SERPINI2: variants seen among roughly 807,000 people sequenced by gnomAD.
SERPINI2 encodes the protein serpin I2.
A neutral mutation model predicts 47.3 loss-of-function variants in SERPINI2; 48 were observed. The observed-to-expected ratio is 1.02, with a 90% confidence interval of 0.81 to 1.29. The LOEUF (loss-of-function observed/expected upper bound fraction) is 1.29. Among genes scored for constraint, SERPINI2 ranks in the 50% most tolerant of loss-of-function variants. The pLI is 0.00. For synonymous variants in SERPINI2, 135 were observed against 149.3 expected, an observed-to-expected ratio of 0.90 and a Z score of 0.70; for missense variants, 448 against 456.9, an observed-to-expected ratio of 0.98 and a Z score of 0.18.
rs144102530 is a variant in SERPINI2, at chr3:167,447,407, T to C, written c.1052-926A>G. On this transcript the variant is annotated intron_variant, in intron 7 of 8. Coordinates refer to ENST00000264677, the Ensembl canonical transcript of SERPINI2. Reference sequence around the variant, plus strand: ...TCCCATTCCCATTTACAGTGAATACTTGGACTTTTTTTGCTTTTGAGCAGT... The same window carrying C: ...TCCCATTCCCATTTACAGTGAATACCTGGACTTTTTTTGCTTTTGAGCAGT... Among the ~76,000 whole-genome samples, 17 of 152,342 alleles carry C rather than the reference T, an allele frequency of 1.1e-4. No individual in the cohort carries two copies. The East Asian group carries it at 3.1e-3, about 28-fold the overall frequency.
At chr3:167,449,254 AC>A in intron 7 of SERPINI2, 61 bp downstream of exon 7, 1 of 1,094,564 alleles carries the variant, frequency 9.1e-7, no homozygotes. Flanking sequence ...AAGGGTCAGC[AC>A]CATAATGTTC....
intron 5 of SERPINI2, among the ~76,000 whole-genome samples, chr3:167,459,264 C>T (rs1410612421): frequency 6.6e-6 from 1 of 151,690 alleles, no homozygotes; most frequent in South Asian, 2.1e-4. Context: ...TTAGTAGAGA[C>T]GGGGTTTCAC....
chr3:167,446,601 A>G, intron 7 of SERPINI2, 120 bp from the exon 8 acceptor site: 1 of 575,484 alleles, frequency 1.7e-6, no homozygotes, highest in Non-Finnish European at 2.9e-6. Context: ...TAACATGTGG[A>G]AAAATAACCA....
intron 5 of SERPINI2, among the ~76,000 whole-genome samples, chr3:167,464,760 A>T (rs1750084705): frequency 6.6e-6 from 1 of 152,184 alleles, no homozygotes; most frequent in Non-Finnish European, 1.5e-5. Flanking sequence ...TGACTATAGG[A>T]TTCTGTTTAT....
upstream of SERPINI2, among the ~76,000 whole-genome samples, chr3:167,476,037 G>A (rs1015943538): frequency 6.7e-6 from 1 of 148,752 alleles, no homozygotes; most frequent in Non-Finnish European, 1.5e-5. Context: ...AATTTTGAGT[G>A]ATAATAGGAA....
At chr3:167,462,683 AAG>A (rs148922518) in intron 5 of SERPINI2, among the ~76,000 whole-genome samples, 1 of 152,304 alleles carries the variant, frequency 6.6e-6, no homozygotes, top group African/African-American at 2.4e-5. Context: ...TGGAAGAATT[AAG>A]AGAGAAGTCT....
chr3:167,470,892 G>C (rs151036923), intron 2 of SERPINI2, among the ~76,000 whole-genome samples: 25 of 152,118 alleles, frequency 1.6e-4, no homozygotes, highest in African/African-American at 6.0e-4. Flanking sequence ...CAGTAAGAGG[G>C]ATAGACACTA....
At chr3:167,449,539 G>A (rs1258305105) in intron 6 of SERPINI2, 137 bp from the exon 7 acceptor site, 2 of 400,594 alleles carry the variant, frequency 5.0e-6, no homozygotes, top group Admixed American at 8.9e-5. Flanking sequence ...CTGTCACCCA[G>A]GCTGAAGTAC....
intron 2 of SERPINI2, among the ~76,000 whole-genome samples, chr3:167,467,534 G>A (rs1750174863): frequency 6.6e-6 from 1 of 152,066 alleles, no homozygotes; most frequent in Non-Finnish European, 1.5e-5. Flanking sequence ...TCAAAAAAAA[G>A]AATATGCATT....
chr3:167,455,260 ATATC>A (rs1749751608), intron 5 of SERPINI2, among the ~76,000 whole-genome samples: 1 of 152,264 alleles, frequency 6.6e-6, no homozygotes, highest in African/African-American at 2.4e-5. Flanking sequence ...TATGCAAATA[ATATC>A]TATTTGTTTA....
intron 8 of SERPINI2, among the ~76,000 whole-genome samples, chr3:167,443,248 T>C (rs921770414): frequency 1.8e-4 from 27 of 152,088 alleles, no homozygotes; most frequent in Middle Eastern, 3.4e-3. Context: ...GCTGGGACTA[T>C]AGGTGCCCGC....
intron 3 of SERPINI2, among the ~76,000 whole-genome samples, chr3:167,465,931 C>T (rs1300347072): frequency 6.6e-6 from 1 of 152,074 alleles, no homozygotes; most frequent in Non-Finnish European, 1.5e-5. Context: ...CCTAGACTCT[C>T]CAATAAGATC....
intron 5 of SERPINI2, among the ~76,000 whole-genome samples, chr3:167,462,406 T>C (rs1388552117): frequency 1.3e-5 from 2 of 152,188 alleles, no homozygotes; most frequent in African/African-American, 2.4e-5. Context: ...GGGAAAAATT[T>C]GTTCTATGCC....
At chr3:167,470,587 G>C (rs1750283818) in intron 2 of SERPINI2, among the ~76,000 whole-genome samples, 1 of 107,166 alleles carries the variant, frequency 9.3e-6, no homozygotes, top group Admixed American at 9.1e-5. Flanking sequence ...TTTGGAGAAG[G>C]AGTCTGTTCT....
intron 3 of SERPINI2, among the ~76,000 whole-genome samples, chr3:167,466,426 A>G (rs2108169865): frequency 6.6e-6 from 1 of 152,356 alleles, no homozygotes; most frequent in African/African-American, 2.4e-5. Context: ...CACTTCACAT[A>G]CATTATTATT....
chr3:167,458,600 AT>A (rs1435393896), intron 5 of SERPINI2, among the ~76,000 whole-genome samples: 1 of 151,982 alleles, frequency 6.6e-6, no homozygotes, highest in Non-Finnish European at 1.5e-5. Context: ...GTACTATTCC[AT>A]TTTATCAATA....
intron 6 of SERPINI2, among the ~76,000 whole-genome samples, chr3:167,451,799 T>G (rs1749648586): frequency 6.6e-6 from 1 of 152,186 alleles, no homozygotes; most frequent in Admixed American, 6.5e-5. Flanking sequence ...GAAAGAAGTT[T>G]AAGAAAAGGA....
chr3:167,475,726 G>C (rs952667745), upstream of SERPINI2, among the ~76,000 whole-genome samples: 2 of 149,752 alleles, frequency 1.3e-5, no homozygotes, highest in South Asian at 2.2e-4. Context: ...AGAAAATCGG[G>C]GTGGGGGGAG....
chr3:167,466,274 A>T (rs1196763122), intron 3 of SERPINI2, among the ~76,000 whole-genome samples: 1 of 152,176 alleles, frequency 6.6e-6, no homozygotes, highest in African/African-American at 2.4e-5. Context: ...AACATGGCTC[A>T]CCACGCTTAT....
Sources: gnomAD v4.1 joint callset for allele counts (sites outside exome capture counted in the v4.1 genomes callset) on GRCh38, gnomAD v4.1.1 for gene constraint, MANE v1.5 for transcripts, NCBI Gene and HGNC (gene_info 2026-07-23, HGNC 2026-07-21) for gene names.